AP2A2: variants seen among roughly 807,000 people sequenced by gnomAD.
The protein encoded by AP2A2 is AP-2 complex subunit alpha-2.
In AP2A2, 32 loss-of-function variants were observed where a neutral mutation model predicts 104.2. The ratio of observed to expected loss-of-function variants is 0.31; its 90% CI spans 0.23 to 0.41. The LOEUF (loss-of-function observed/expected upper bound fraction) is 0.41, where lower values mean the gene tolerates loss of function less well. Ranked by LOEUF, AP2A2 falls within the 10% of genes least tolerant of loss-of-function variation. The pLI, the probability that AP2A2 is intolerant of heterozygous loss-of-function variation, is 1.00. For missense variants in AP2A2, 912 were observed against 1,261.0 expected, an observed-to-expected ratio of 0.72 and a Z score of 4.19; for synonymous variants, 539 against 533.3, an observed-to-expected ratio of 1.01 and a Z score of -0.15.
intron 1 of AP2A2, chr11:933,569 C>T (rs535407328): frequency 2.2e-6 from 1 of 456,176 alleles, no homozygotes; most frequent in African/African-American, 2.0e-5. Context: ...TTGTAAGGGT[C>T]TGGCCAAGAC....
intron 10 of AP2A2, 67 bp downstream of exon 10, chr11:988,756 C>A: frequency 6.3e-7 from 1 of 1,575,812 alleles, no homozygotes; most frequent in Non-Finnish European, 8.7e-7. Flanking sequence ...GGATTTCCTT[C>A]GTGCTCTGCG....
chr11:983,543 T>C (rs552696311), intron 6 of AP2A2, among the ~76,000 whole-genome samples: 1,979 of 151,612 alleles, frequency 0.013, 24 homozygotes, highest in African/African-American at 0.042. Context: ...CCACCATGCC[T>C]GGCTAATTTT....
At chr11:997,794 G>A (rs1186428895) in intron 14 of AP2A2, among the ~76,000 whole-genome samples, 18 of 152,118 alleles carry the variant, frequency 1.2e-4, no homozygotes, top group African/African-American at 4.3e-4. Context: ...AATCCCAGCT[G>A]CTCGGGAAGC....
chr11:963,062 A>T (rs1854494066), intron 2 of AP2A2, among the ~76,000 whole-genome samples: 2 of 152,182 alleles, frequency 1.3e-5, no homozygotes, highest in South Asian at 2.1e-4. Context: ...AAAAAAAGTA[A>T]AAAGGAGCAA....
chr11:927,844 T>G (rs1006076812), intron 1 of AP2A2, among the ~76,000 whole-genome samples: 2 of 137,632 alleles, frequency 1.5e-5, no homozygotes, highest in African/African-American at 5.4e-5. Context: ...AAAAAAAGGC[T>G]TAGAAACACC....
At chr11:1,004,117 G>A (rs1432865560) in intron 16 of AP2A2, among the ~76,000 whole-genome samples, 1 of 152,274 alleles carries the variant, frequency 6.6e-6, no homozygotes, top group African/African-American at 2.4e-5. Context: ...ACAAAGTCAC[G>A]AGGGAAGTGC....
chr11:1,009,642 AC>A (rs1856352052), intron 20 of AP2A2, 40 bp from the exon 21 acceptor site: 1 of 1,480,294 alleles, frequency 6.8e-7, no homozygotes, highest in African/African-American at 1.4e-5. Context: ...GCTGCCCGCG[AC>A]CCCGCGCCAG....
chr11:985,305 C>G (rs919003137), intron 7 of AP2A2, 130 bp from the exon 8 acceptor site: 42 of 1,260,828 alleles, frequency 3.3e-5, no homozygotes, highest in Non-Finnish European at 2.8e-5. Context: ...GTAAATGCTT[C>G]CAGCTGGGTA....
At chr11:933,128 T>C (rs908544634) in intron 1 of AP2A2, among the ~76,000 whole-genome samples, 4 of 152,110 alleles carry the variant, frequency 2.6e-5, no homozygotes, top group Non-Finnish European at 5.9e-5. Context: ...ATTAGCCAGG[T>C]GTGGTGGCAC....
Position 1,009,370 on chromosome 11 carries a change from A to G in AP2A2, c.2580A>G (p.Pro860=). 1 of 1,613,670 alleles carries G rather than the reference A, an allele frequency of 6.2e-7. No homozygotes were observed. The highest frequency in any genetic ancestry group is 8.5e-7 in the Non-Finnish European group (1 of 1,179,832). The change falls in exon 20 of 22, where the codon CCA becomes CCG. Residue 860 remains proline (P), a synonymous_variant. Coordinates refer to ENST00000448903, the MANE Select transcript of AP2A2 (RefSeq NM_012305.4). ...AGAACATCTTCAAAGCAAAGCACCCAATGGACACAGAAGTCACCAAAGCCA... is the reference window on the plus strand; with the variant it reads ...AGAACATCTTCAAAGCAAAGCACCCGATGGACACAGAAGTCACCAAAGCCA... The part of the protein sequence containing the change: ...EVQNIFKAKH[P]MDTEVTKAKI...
chr11:995,071 A>T (rs1165949036), intron 14 of AP2A2, among the ~76,000 whole-genome samples: 1 of 152,118 alleles, frequency 6.6e-6, no homozygotes. Context: ...CCTGCTGGGC[A>T]AGGCACTTCC....
intron 10 of AP2A2, among the ~76,000 whole-genome samples, chr11:989,392 C>T (rs909819196): frequency 6.6e-6 from 1 of 152,036 alleles, no homozygotes; most frequent in Non-Finnish European, 1.5e-5. Flanking sequence ...CCTGTCCTTG[C>T]AGTGGTGGCA....
At chr11:962,099 G>A (rs1854462734) in intron 2 of AP2A2, among the ~76,000 whole-genome samples, 1 of 152,382 alleles carries the variant, frequency 6.6e-6, no homozygotes, top group African/African-American at 2.4e-5. Context: ...GTGGCACTGG[G>A]TTGAAAGGGC....
At chr11:1,008,745 G>T in intron 18 of AP2A2, 1 of 340,810 alleles carries the variant, frequency 2.9e-6, no homozygotes, top group Non-Finnish European at 5.3e-6. Flanking sequence ...GTAGAATTCG[G>T]GGACATAGAC....
chr11:955,055 C>G (rs1854192147), intron 1 of AP2A2, among the ~76,000 whole-genome samples: 1 of 152,230 alleles, frequency 6.6e-6, no homozygotes, highest in Non-Finnish European at 1.5e-5. Context: ...TAAGTTCCCC[C>G]TCAGAGTGGT....
At chr11:940,604 G>A in intron 1 of AP2A2, 1 of 298,118 alleles carries the variant, frequency 3.4e-6, no homozygotes, top group South Asian at 2.9e-5. Context: ...GTTTCTTTAA[G>A]CTGTATTTTA....
At chr11:927,994 G>A (rs1312197841) in intron 1 of AP2A2, among the ~76,000 whole-genome samples, 2 of 152,096 alleles carry the variant, frequency 1.3e-5, no homozygotes, top group Admixed American at 6.6e-5. Flanking sequence ...CCTTAAATGC[G>A]CTATGATGTC....
chr11:987,327 A>T (rs1855495503), intron 9 of AP2A2, among the ~76,000 whole-genome samples: 2 of 152,332 alleles, frequency 1.3e-5, no homozygotes, highest in Middle Eastern at 6.8e-3. Flanking sequence ...CCTTTTACAA[A>T]GGAAACTCAC....
At chr11:974,916 C>T (rs928882247) in intron 4 of AP2A2, among the ~76,000 whole-genome samples, 5 of 152,128 alleles carry the variant, frequency 3.3e-5, no homozygotes, top group East Asian at 1.9e-4. Context: ...ACCCGGGAGG[C>T]GGAGGTTGCA....
Sources: gnomAD v4.1 joint callset for allele counts (sites outside exome capture counted in the v4.1 genomes callset) on GRCh38, gnomAD v4.1.1 for gene constraint, MANE v1.5 for transcripts, NCBI Gene and HGNC (gene_info 2026-07-23, HGNC 2026-07-21) for gene names.